Variants in DSCAM observed in about 807,000 individuals in gnomAD.
The protein encoded by DSCAM is DS cell adhesion molecule, also known as cell adhesion molecule DSCAM.
In DSCAM, 47 loss-of-function variants were observed where a neutral mutation model predicts 217.7. That is an observed-to-expected ratio of 0.22 (90% confidence interval 0.17 to 0.28). The LOEUF (loss-of-function observed/expected upper bound fraction) is 0.28. Ranked by LOEUF, DSCAM falls within the 10% of genes least tolerant of loss-of-function variation. The pLI is 1.00. For synonymous variants in DSCAM, 1,056 were observed against 1,015.3 expected (o/e 1.04, Z -0.76); for missense variants, 2,080 against 2,618.3 (o/e 0.79, Z 4.49).
chr21:40,433,346 T>A (rs1293480884), intron 3 of DSCAM, among the ~76,000 whole-genome samples: 47 of 93,674 alleles, frequency 5.0e-4, no homozygotes, highest in African/African-American at 8.2e-4. Flanking sequence ...AGACTCCGTC[T>A]AAAAAAAAAA....
At chr21:40,670,964 T>TA (rs2090266331) in intron 3 of DSCAM, among the ~76,000 whole-genome samples, 1 of 152,216 alleles carries the variant, frequency 6.6e-6, no homozygotes, top group African/African-American at 2.4e-5. Context: ...TAGTCTCCAT[T>TA]AAAAAATATT....
At chr21:40,760,318 A>G (rs1479745921) in intron 1 of DSCAM, among the ~76,000 whole-genome samples, 1 of 152,130 alleles carries the variant, frequency 6.6e-6, no homozygotes, top group Non-Finnish European at 1.5e-5. Context: ...GCCCAGCCAC[A>G]TTCACATTTA....
At chr21:40,294,817 G>C (rs2073935395) in intron 10 of DSCAM, among the ~76,000 whole-genome samples, 1 of 152,188 alleles carries the variant, frequency 6.6e-6, no homozygotes, top group Admixed American at 6.5e-5. Flanking sequence ...AAGTCATGGG[G>C]GCAGAGACTC....
At chr21:40,450,003 T>A (rs888955085) in intron 3 of DSCAM, among the ~76,000 whole-genome samples, 1 of 152,192 alleles carries the variant, frequency 6.6e-6, no homozygotes, top group Non-Finnish European at 1.5e-5. Context: ...TTTAAGAAAG[T>A]TCTGCCTTGG....
intron 3 of DSCAM, among the ~76,000 whole-genome samples, chr21:40,501,143 A>G (rs1217952662): frequency 1.3e-5 from 2 of 152,212 alleles, no homozygotes; most frequent in African/African-American, 2.4e-5. Context: ...TGTTAGTTAC[A>G]TAATGCATAA....
chr21:40,163,082 C>CAT (rs1439241426), intron 16 of DSCAM, among the ~76,000 whole-genome samples: 2 of 144,950 alleles, frequency 1.4e-5, no homozygotes. Context: ...CACACACACA[C>CAT]ACACACACAC....
chr21:40,082,845 C>T (rs960636228), intron 24 of DSCAM, among the ~76,000 whole-genome samples: 2 of 152,114 alleles, frequency 1.3e-5, no homozygotes, highest in Non-Finnish European at 2.9e-5. Flanking sequence ...TGGCTGTGGC[C>T]ACTGAGCATG....
rs3069912 is a variant in DSCAM, at chr21:40,435,546, C to CAAA, written c.509-66304_509-66302dup. Among the ~76,000 whole-genome samples the CAAA allele has an allele frequency of 7.2e-4, 104 of 143,494 alleles. 1 individual carries two copies. Among genetic ancestry groups the CAAA allele is most frequent in the Middle Eastern group, 3.6e-3 (1 of 276 alleles). 94.1% of individuals were successfully genotyped at this position (143,494 alleles called of 152,430 possible). On this transcript the variant is annotated intron_variant, in intron 3 of 32. Transcript: ENST00000400454. ...ATACAAATTTAAAAACTGTATCTAC[C>CAAA]AAAAAAAAAAAAAAGCTATGAGATT...
chr21:40,637,648 T>TAA, intron 3 of DSCAM, among the ~76,000 whole-genome samples: 1 of 40,872 alleles, frequency 2.4e-5, no homozygotes, highest in African/African-American at 1.2e-4. Context: ...TATAAATATA[T>TAA]ATCTATATAT....
At chr21:40,431,082 T>A (rs528908370) in intron 3 of DSCAM, among the ~76,000 whole-genome samples, 2 of 152,190 alleles carry the variant, frequency 1.3e-5, no homozygotes, top group African/African-American at 4.8e-5. Context: ...CGAAGATAAA[T>A]AGAACAAAAA....
At chr21:40,348,227 C>T (rs11909683) in intron 5 of DSCAM, among the ~76,000 whole-genome samples, 1 of 55,762 alleles carries the variant, frequency 1.8e-5, no homozygotes, top group Non-Finnish European at 4.4e-5. Flanking sequence ...TTCCTATCAG[C>T]CACATTATTG....
intron 11 of DSCAM, among the ~76,000 whole-genome samples, chr21:40,240,702 C>T (rs2073141062): frequency 6.6e-6 from 1 of 152,096 alleles, no homozygotes; most frequent in Non-Finnish European, 1.5e-5. Flanking sequence ...CCATTGATTG[C>T]CCTGTGTGAA....
intron 3 of DSCAM, among the ~76,000 whole-genome samples, chr21:40,567,573 G>A (rs1273866683): frequency 6.6e-6 from 1 of 152,194 alleles, no homozygotes. Context: ...ACAAACATCT[G>A]TCTCTATAAT....
At chr21:40,132,240 A>G (rs1044996405) in intron 19 of DSCAM, among the ~76,000 whole-genome samples, 5 of 152,172 alleles carry the variant, frequency 3.3e-5, no homozygotes, top group African/African-American at 2.4e-5. Context: ...CAGCTCTCAT[A>G]CACTGGTTCT....
chr21:40,187,929 T>A lies in DSCAM; in HGVS notation c.2612A>T (p.Tyr871Phe). 3.1e-6 allele frequency: 5 copies of A among 1,614,110 alleles called. No individual in the cohort carries two copies. The highest frequency in any genetic ancestry group is 4.2e-6 in the Non-Finnish European group (5 of 1,179,998). ...GFFSCHAINS[Y>F]GEDRGIIQLT... ...CTGAATTATTCCACGGTCCTCCCCA[T>A]AAGAATTAATAGCATGGCAGGAAAA... Residue 871 changes from tyrosine to phenylalanine, a missense_variant, in exon 13 of 33, where the codon TAT (tyrosine) becomes TTT (phenylalanine). By Grantham distance (22) the Tyr-to-Phe change is conservative (BLOSUM62 3). Around this residue, in one of 5 missense-constraint regions of DSCAM, gnomAD observed 1,144 missense variants for 1,421.1 expected, o/e 0.81. Coordinates refer to ENST00000400454, the MANE Select transcript of DSCAM (RefSeq NM_001389.5).
intron 3 of DSCAM, among the ~76,000 whole-genome samples, chr21:40,560,331 G>C (rs1480877457): frequency 6.6e-6 from 1 of 152,156 alleles, no homozygotes; most frequent in Admixed American, 6.5e-5. Context: ...TAGGCAGGTG[G>C]CTCCAGGGGG....
chr21:40,146,761 T>G (rs1423283588), intron 16 of DSCAM, among the ~76,000 whole-genome samples: 1 of 152,212 alleles, frequency 6.6e-6, no homozygotes, highest in Middle Eastern at 3.2e-3. Flanking sequence ...AGCTCATACC[T>G]TTTTTATTAT....
At chr21:40,650,851 T>G (rs568637211) in intron 3 of DSCAM, among the ~76,000 whole-genome samples, 8 of 152,140 alleles carry the variant, frequency 5.3e-5, no homozygotes, top group Non-Finnish European at 7.4e-5. Context: ...GAGGCGGAGG[T>G]TGCAGAGAGC....
At chr21:40,319,457 G>C (rs2074236177) in intron 8 of DSCAM, among the ~76,000 whole-genome samples, 1 of 152,166 alleles carries the variant, frequency 6.6e-6, no homozygotes, top group East Asian at 1.9e-4. Flanking sequence ...GTGTGTATGT[G>C]TGTGTGACAT....
Sources: allele counts gnomAD v4.1 joint callset (sites outside exome capture counted in the v4.1 genomes callset), GRCh38; gene constraint gnomAD v4.1.1; regional missense constraint gnomAD v4.1.1; transcripts MANE v1.5; gene names NCBI Gene and HGNC (gene_info 2026-07-23, HGNC 2026-07-21).